Variants in MAPRE2 observed in about 807,000 individuals in gnomAD.
MAPRE2 encodes the protein microtubule-associated protein RP/EB family member 2.
MAPRE2 carries 13 observed loss-of-function variants against 43.2 expected under a neutral mutation model. That is an observed-to-expected ratio of 0.30 (90% CI 0.20 to 0.48). MAPRE2 has a LOEUF of 0.48. Ranked by LOEUF, MAPRE2 falls within the 20% of genes least tolerant of loss-of-function variation. The pLI, the probability that MAPRE2 is intolerant of heterozygous loss-of-function variation, is 0.99. For synonymous variants in MAPRE2, 135 were observed against 148.8 expected (o/e 0.91, Z 0.68); for missense variants, 161 against 400.2 (o/e 0.40, Z 5.10).
intron 1 of MAPRE2, among the ~76,000 whole-genome samples, chr18:34,980,129 G>A (rs148949129): frequency 2.1e-5 from 3 of 146,060 alleles, no homozygotes; most frequent in African/African-American, 2.6e-5. Context: ...AAGTTCAAGC[G>A]ATTCTCCTGC....
At chr18:35,125,245 T>C (rs150802376) in intron 4 of MAPRE2, among the ~76,000 whole-genome samples, 4 of 152,340 alleles carry the variant, frequency 2.6e-5, no homozygotes, top group African/African-American at 9.6e-5. Flanking sequence ...TTATGGTCTT[T>C]CTGTTTGCTA....
intron 6 of MAPRE2, among the ~76,000 whole-genome samples, chr18:35,134,679 A>G (rs754201603): frequency 6.6e-6 from 1 of 152,230 alleles, no homozygotes; most frequent in Non-Finnish European, 1.5e-5. Flanking sequence ...CTGTGTGTGA[A>G]GAAGAAAGTT....
chr18:35,088,357 T>C (rs28526280), intron 2 of MAPRE2, among the ~76,000 whole-genome samples: 4,396 of 152,206 alleles, frequency 0.029, 202 homozygotes, highest in African/African-American at 0.1. Context: ...TCTGAAGTGT[T>C]CTAGGAACAG....
At chr18:35,052,374 C>CATTGGG (rs1905985677) in intron 1 of MAPRE2, among the ~76,000 whole-genome samples, 2 of 152,208 alleles carry the variant, frequency 1.3e-5, no homozygotes, top group African/African-American at 4.8e-5. Context: ...TTTTAAGATT[C>CATTGGG]ATCCATATGG....
intron 2 of MAPRE2, among the ~76,000 whole-genome samples, chr18:35,087,738 T>G (rs1907942541): frequency 1.3e-5 from 2 of 152,208 alleles, no homozygotes; most frequent in African/African-American, 4.8e-5. Flanking sequence ...CAAGTATTCT[T>G]GAAACTTATA....
intron 5 of MAPRE2, 36 bp downstream of exon 5, chr18:35,127,123 G>T: frequency 6.2e-7 from 1 of 1,613,224 alleles, no homozygotes; most frequent in Non-Finnish European, 8.5e-7. Context: ...TCTAGGAGCA[G>T]TGACGTGTGT....
chr18:35,012,779 G>C (rs950483178), intron 2 of MAPRE2, among the ~76,000 whole-genome samples: 8 of 152,210 alleles, frequency 5.3e-5, no homozygotes, highest in Non-Finnish European at 2.9e-5. Flanking sequence ...AATAGTTATA[G>C]AGTTTCAGTT....
intron 4 of MAPRE2, among the ~76,000 whole-genome samples, chr18:35,125,234 T>G (rs184970116): frequency 2.0e-5 from 3 of 152,252 alleles, no homozygotes; most frequent in Non-Finnish European, 4.4e-5. Context: ...AAATATAAAT[T>G]TTATGGTCTT....
intron 1 of MAPRE2, among the ~76,000 whole-genome samples, chr18:35,003,884 G>A (rs558812617): frequency 3.9e-5 from 6 of 152,246 alleles, no homozygotes; most frequent in East Asian, 1.9e-4. Flanking sequence ...TAACGTATTC[G>A]TAAAATTAAA....
chr18:35,044,835 A>C (rs760413943), intron 1 of MAPRE2, among the ~76,000 whole-genome samples: 3 of 152,144 alleles, frequency 2.0e-5, no homozygotes, highest in Non-Finnish European at 4.4e-5. Flanking sequence ...CTGTTATAGC[A>C]TTTGCACCAT....
intron 1 of MAPRE2, among the ~76,000 whole-genome samples, chr18:35,065,448 A>G (rs1906787768): frequency 6.6e-6 from 1 of 152,202 alleles, no homozygotes; most frequent in Non-Finnish European, 1.5e-5. Context: ...TTTAAATACA[A>G]TATTAAAGTG....
chr18:35,031,552 A>G (rs2097047855), intron 2 of MAPRE2, among the ~76,000 whole-genome samples: 1 of 152,228 alleles, frequency 6.6e-6, no homozygotes, highest in African/African-American at 2.4e-5. Context: ...TGCTCTGAGT[A>G]TTTTTAAATT....
intron 1 of MAPRE2, among the ~76,000 whole-genome samples, chr18:35,056,386 G>C (rs773996993): frequency 1.3e-5 from 2 of 152,130 alleles, no homozygotes; most frequent in Non-Finnish European, 2.9e-5. Flanking sequence ...GAATCAACCA[G>C]TGTGATTGTC....
intron 1 of MAPRE2, among the ~76,000 whole-genome samples, chr18:34,989,462 C>A (rs966784459): frequency 2.6e-5 from 4 of 152,110 alleles, no homozygotes; most frequent in Non-Finnish European, 4.4e-5. Context: ...ATAATGCCAG[C>A]ATTTTGGGAG....
chr18:34,998,602 C>G (rs956842224), intron 1 of MAPRE2, among the ~76,000 whole-genome samples: 1 of 151,778 alleles, frequency 6.6e-6, no homozygotes, highest in African/African-American at 2.4e-5. Context: ...GCTGGGATTA[C>G]AGGCATGAGC....
intron 2 of MAPRE2, among the ~76,000 whole-genome samples, chr18:35,016,075 T>G (rs2097038056): frequency 6.6e-6 from 1 of 151,988 alleles, no homozygotes; most frequent in Admixed American, 6.6e-5. Context: ...CTGTGTTAAT[T>G]TGCCCAGGAT....
rs1006599146 is a variant in MAPRE2, at chr18:35,125,454, T to A, written c.611-1494T>A. ...AACTTTTGCTCTTTAAGCAAATACATGTTCAGCTGAGCATTGTGCTACGCA... is the reference window on the plus strand; with the variant it reads ...AACTTTTGCTCTTTAAGCAAATACAAGTTCAGCTGAGCATTGTGCTACGCA... On this transcript the variant is annotated intron_variant, in intron 4 of 6. Coordinates refer to ENST00000300249, the MANE Select transcript of MAPRE2 (RefSeq NM_014268.4). 7.9e-5 allele frequency among the ~76,000 whole-genome samples: 12 copies of A among 152,386 alleles called. 1 individual carries two copies. The highest frequency in any genetic ancestry group is 1.9e-4 in the African/African-American group (8 of 41,592).
At chr18:35,066,540 GA>G (rs1202478176) in intron 1 of MAPRE2, among the ~76,000 whole-genome samples, 2 of 152,144 alleles carry the variant, frequency 1.3e-5, no homozygotes, top group Non-Finnish European at 2.9e-5. Context: ...TTAACATTTG[GA>G]AAAAATATAT....
chr18:34,998,578 C>T (rs377235255), intron 1 of MAPRE2, among the ~76,000 whole-genome samples: 3 of 151,786 alleles, frequency 2.0e-5, no homozygotes, highest in Admixed American at 2.0e-4. Flanking sequence ...CTGCCCGCCT[C>T]GGCCTCCCAA....
Sources: gnomAD v4.1 joint callset for allele counts (sites outside exome capture counted in the v4.1 genomes callset) on GRCh38, gnomAD v4.1.1 for gene constraint, MANE v1.5 for transcripts, NCBI Gene and HGNC (gene_info 2026-07-23, HGNC 2026-07-21) for gene names.